FASN: variants seen among roughly 807,000 people sequenced by gnomAD.
The protein encoded by FASN is fatty acid synthase, also known as 3-hydroxyacyl-[acyl-carrier-protein] dehydratase.
In FASN, 50 loss-of-function variants were observed where a neutral mutation model predicts 250.0. The ratio of observed to expected loss-of-function variants is 0.20; its 90% confidence interval spans 0.16 to 0.25. FASN has a LOEUF of 0.25. Ranked by LOEUF, FASN falls within the 10% of genes least tolerant of loss-of-function variation. The probability of loss-of-function intolerance (pLI) is 1.00; values close to 1 mark genes in which losing one functional copy is unlikely to be tolerated. For synonymous variants in FASN, 1,909 were observed against 1,584.0 expected, an observed-to-expected ratio of 1.21 and a Z score of -4.87; for missense variants, 3,031 against 3,498.5, an observed-to-expected ratio of 0.87 and a Z score of 3.37.
At chr17:82,094,543 C>T (rs1158510274) in intron 3 of FASN, among the ~76,000 whole-genome samples, 1 of 152,060 alleles carries the variant, frequency 6.6e-6, no homozygotes, top group East Asian at 1.9e-4. Flanking sequence ...GTAATCCCAG[C>T]ACTTTGGGAA....
At position 82,080,583 on chromosome 17, in the gene FASN, G is replaced by A; in HGVS notation, c.6834C>T (p.Pro2278=). ...CAGCCAGGCTGTGGATGCTGTCAAG[G>A]GGCGCAGCTGCAATGGCAGTGCCGG... The part of the protein sequence containing the change: ...TYGLQCTRAA[P]LDSIHSLAAY... Residue 2278 remains proline, a synonymous_variant, in exon 40 of 43, where the codon CCC becomes CCT. Transcript: ENST00000306749. The A allele has an allele frequency of 6.4e-7, 1 of 1,555,352 alleles. No homozygotes were observed. Among genetic ancestry groups the A allele is most frequent in the Non-Finnish European group, 8.7e-7 (1 of 1,150,324 alleles).
In FASN at chr17:82,081,303, C is replaced by T; in HGVS notation, c.6456G>A (p.Leu2152=). 1 of 1,557,554 alleles carries T rather than the reference C, an allele frequency of 6.4e-7. No homozygotes were observed. Among genetic ancestry groups the T allele is most frequent in the Non-Finnish European group, 8.7e-7 (1 of 1,150,790 alleles). Residue 2152 remains leucine, a synonymous_variant, in exon 38 of 43, where the codon CTG becomes CTA. Coordinates refer to ENST00000306749, the MANE Select transcript of FASN (RefSeq NM_004104.5). ...AVNLDSSLAD[L]GLDSLMSVEV... is the part of the protein sequence containing the mutation. ...CCACGCTCATGAGCGAGTCCAGGCC[C>T]AGGTCCGCCAGTGAGCTGTCCAGGT... is the stretch of plus-strand genomic sequence containing the variant.
chr17:82,092,524 C>T lies in FASN; in HGVS notation c.960G>A (p.Leu320=), dbSNP rs779697508. 6.2e-7 allele frequency: 1 copy of T among 1,605,400 alleles called. No homozygotes were observed. The highest frequency in any genetic ancestry group is 8.5e-7 in the Non-Finnish European group (1 of 1,178,324). ...TGTTGGACTTGGTGGAGCCGATGAGCAGCGGCTCCTGGCGGGTGGCGCACA... is the reference window on the plus strand; with the variant it reads ...TGTTGGACTTGGTGGAGCCGATGAGTAGCGGCTCCTGGCGGGTGGCGCACA... ...RALCATRQEP[L]LIGSTKSNMG... The change falls in exon 8 of 43, where the codon CTG becomes CTA. Residue 320 remains leucine (L), a synonymous_variant. Coordinates refer to ENST00000306749, the MANE Select transcript of FASN (RefSeq NM_004104.5).
In FASN at chr17:82,082,315, G is replaced by GT. The variant is rs1231386667; in HGVS notation, c.6011+7dup. 6.2e-7 allele frequency: 1 copy of GT among 1,612,206 alleles called. No homozygotes were observed. ...GCAGAGGCGGGAGCAGGGCTGTGCG[G>GT]TACCCACCTGTCCAGGTTCAGGGTG... is the stretch of plus-strand genomic sequence containing the variant. On this transcript the variant is annotated splice_region_variant and intron_variant, in intron 35 of 42. Transcript: ENST00000306749.
chr17:82,080,546 C>G lies in FASN; in HGVS notation c.6871G>C (p.Asp2291His). 3.2e-6 allele frequency: 5 copies of G among 1,560,656 alleles called. No individual in the cohort carries two copies. Among genetic ancestry groups the G allele is most frequent in the Non-Finnish European group, 4.3e-6 (5 of 1,153,514 alleles). ...TCGGGCTGCACCTGCCTGATGCAGT[C>G]GATGTAGTAGGCAGCCAGGCTGTGG... Reference protein sequence around the residue: ...SIHSLAAYYIDCIRQVQPEGP... With the variant: ...SIHSLAAYYIHCIRQVQPEGP... Residue 2291 changes from aspartate to histidine, a missense_variant, in exon 40 of 43, where the codon GAC becomes CAC. Coordinates refer to ENST00000306749, the MANE Select transcript of FASN (RefSeq NM_004104.5).
intron 32 of FASN, 36 bp downstream of exon 32, chr17:82,083,166 C>A (rs1389059301): frequency 1.9e-6 from 3 of 1,611,354 alleles, no homozygotes; most frequent in Non-Finnish European, 2.5e-6. Flanking sequence ...GGACCAGAGC[C>A]TGGGGTGCCC....
At chr17:82,092,347 A>T in intron 8 of FASN, 108 bp downstream of exon 8, 1 of 1,214,860 alleles carries the variant, frequency 8.2e-7, no homozygotes, top group Non-Finnish European at 1.2e-6. Context: ...CCTGGTGGGG[A>T]AGCCCCCGCC....
intron 1 of FASN, 46 bp from the exon 2 acceptor site, chr17:82,096,498 A>T: frequency 1.2e-6 from 2 of 1,604,008 alleles, no homozygotes; most frequent in Non-Finnish European, 1.7e-6. Flanking sequence ...CGGCCACGAC[A>T]CCCCCGTCAA....
Position 82,089,690 on chromosome 17 carries a change from G to T in FASN, c.1907C>A (p.Pro636Gln). 1 of 1,587,932 alleles carries T rather than the reference G, an allele frequency of 6.3e-7. No homozygotes were observed. The highest frequency in any genetic ancestry group is 8.6e-7 in the Non-Finnish European group (1 of 1,169,230). The change falls in exon 12 of 43, where the codon CCG becomes CAG. Residue 636 changes from proline to glutamine, a missense_variant. By Grantham distance (76) the Pro-to-Gln change is moderately conservative (BLOSUM62 -1). Transcript: ENST00000306749. ...SWEECKQRCP[P>Q]GVVPACHNSK... ...GTTGTGGCAGGCGGGCACCACGCCCGGGGGGCAGCGCTGTTTACACTCCTC... is the reference window on the plus strand; with the variant it reads ...GTTGTGGCAGGCGGGCACCACGCCCTGGGGGCAGCGCTGTTTACACTCCTC...
Position 82,085,250 on chromosome 17 carries a change from C to T in FASN, c.4275G>A (p.Val1425=), listed in dbSNP as rs778773685. ...GGCAGGGCCTGACCTTCAGAGACTC[C>T]ACCCAGCGGAAGCTGGTATCGTCCA... ...LPVDDTSFRW[V]ESLKGILADE... The change falls in exon 24 of 43, where the codon GTG becomes GTA. Residue 1425 remains valine, a synonymous_variant. Coordinates refer to ENST00000306749, the MANE Select transcript of FASN (RefSeq NM_004104.5). The T allele has an allele frequency of 1.6e-5, 25 of 1,611,622 alleles. No individual in the cohort carries two copies. The South Asian group carries it at 2.6e-4, about 17-fold the overall frequency.
rs765147225 is a variant in FASN at position 82,088,940 on chromosome 17, G to A, written c.2304+29C>T. ...GCTGAGGCGCCCATCCCAGGCTCCCGGCGCCTGCTGCCCCCAGGCTGGGCC... is the reference window on the plus strand; with the variant it reads ...GCTGAGGCGCCCATCCCAGGCTCCCAGCGCCTGCTGCCCCCAGGCTGGGCC... On this transcript the variant is annotated intron_variant, in intron 14 of 42. Transcript: ENST00000306749. 2.7e-5 allele frequency: 43 copies of A among 1,607,634 alleles called. No homozygotes were observed. In the Middle Eastern group the frequency reaches 5.0e-4, roughly 19 times the overall value.
intron 23 of FASN, 23 bp downstream of exon 23, chr17:82,085,459 G>T (rs1170778627): frequency 6.3e-7 from 1 of 1,592,418 alleles, no homozygotes; most frequent in Admixed American, 1.7e-5. Flanking sequence ...CCCCCACCCT[G>T]TCCCCCTGCC....
At position 82,079,364 on chromosome 17, in the gene FASN, A is replaced by T; in HGVS notation, c.7391T>A (p.Leu2464His). The T allele has an allele frequency of 6.2e-7, 1 of 1,612,728 alleles. No homozygotes were observed. The highest frequency in any genetic ancestry group is 8.5e-7 in the Non-Finnish European group (1 of 1,179,928). Residue 2464 changes from leucine to histidine, a missense_variant, in exon 42 of 43, where the codon CTC (leucine) becomes CAC (histidine). Transcript: ENST00000306749. ...YGEDLGADYN[L>H]SQVCDGKVSV... ...GTCAGGCCCCTTGCGCACCTGGGAG[A>T]GGTTGTAGTCCGCGCCCAGGTCCTC...
At position 82,082,698 on chromosome 17, in the gene FASN, G is replaced by A; in HGVS notation, c.5768-20C>T. 1 of 1,605,216 alleles carries A rather than the reference G, an allele frequency of 6.2e-7. No homozygotes were observed. Among genetic ancestry groups the A allele is most frequent in the Non-Finnish European group, 8.5e-7 (1 of 1,179,524 alleles). Reference sequence around the variant, plus strand: ...GGTAGCCTGCGGGACACAGGACTGTGGGCTGGACTGGGCCAGGGTACGGTC... The same window carrying A: ...GGTAGCCTGCGGGACACAGGACTGTAGGCTGGACTGGGCCAGGGTACGGTC... On this transcript the variant is annotated intron_variant, in intron 33 of 42. Transcript: ENST00000306749.
At chr17:82,096,953 C>T (rs117322529) in intron 1 of FASN, 4 of 237,954 alleles carry the variant, frequency 1.7e-5, no homozygotes, top group East Asian at 1.1e-4. Context: ...GTCCCAAAGC[C>T]GGGGCATGGA....
In FASN at chr17:82,095,464, C is replaced by G. The variant is rs199926630; in HGVS notation, c.136G>C (p.Gly46Arg). 1.2e-6 allele frequency: 2 copies of G among 1,612,348 alleles called. No individual in the cohort carries two copies. Among genetic ancestry groups the G allele is most frequent in the Non-Finnish European group, 1.7e-6 (2 of 1,179,992 alleles). Residue 46 changes from glycine to arginine, a missense_variant, in exon 3 of 43, where the codon GGC becomes CGC. Gly to Arg is a moderately radical substitution (Grantham distance 125). Coordinates refer to ENST00000306749, the MANE Select transcript of FASN (RefSeq NM_004104.5). ...DDRRWKAGLY[G>R]LPRRSGKLKD... ...AGCTTGCCGGACCGCCGGGGCAGGC[C>G]GTAGAGCCCTGTGGGACAGGCGGGT...
At chr17:82,093,504 C>A in intron 4 of FASN, 85 bp from the exon 5 acceptor site, 1 of 1,593,096 alleles carries the variant, frequency 6.3e-7, no homozygotes, top group Non-Finnish European at 8.6e-7. Context: ...GCTGGACACA[C>A]ACTGCACGGA....
At chr17:82,096,492 C>A (rs765169885) in intron 1 of FASN, 40 bp from the exon 2 acceptor site, 2 of 1,605,502 alleles carry the variant, frequency 1.2e-6, no homozygotes, top group Non-Finnish European at 1.7e-6. Flanking sequence ...ACATCCCGGC[C>A]ACGACACCCC....
In FASN at chr17:82,088,754, G is replaced by A; in HGVS notation, c.2420+7C>T. 6.2e-7 allele frequency: 1 copy of A among 1,609,072 alleles called. No homozygotes were observed. Among genetic ancestry groups the A allele is most frequent in the Non-Finnish European group, 8.5e-7 (1 of 1,177,290 alleles). On this transcript the variant is annotated splice_region_variant and intron_variant, in intron 15 of 42. Coordinates refer to ENST00000306749, the MANE Select transcript of FASN (RefSeq NM_004104.5). ...GGAGACGAGACCCGGGCTGGGAAGGGACCCACCCTGAGAGGTGCAGCCTGC... is the reference window on the plus strand; with the variant it reads ...GGAGACGAGACCCGGGCTGGGAAGGAACCCACCCTGAGAGGTGCAGCCTGC...
Sources: gnomAD v4.1 joint callset for allele counts (sites outside exome capture counted in the v4.1 genomes callset) on GRCh38, gnomAD v4.1.1 for gene constraint, MANE v1.5 for transcripts, NCBI Gene and HGNC (gene_info 2026-07-23, HGNC 2026-07-21) for gene names.